PTPRD: variants seen among roughly 807,000 people sequenced by gnomAD.
PTPRD encodes the protein protein tyrosine phosphatase receptor type D, also known as receptor-type tyrosine-protein phosphatase delta.
PTPRD carries 34 observed loss-of-function variants against 214.5 expected under a neutral mutation model. The ratio of observed to expected loss-of-function variants is 0.16; its 90% confidence interval spans 0.12 to 0.21. The LOEUF (loss-of-function observed/expected upper bound fraction) is 0.21, where lower values mean the gene tolerates loss of function less well. PTPRD is among the 10% of genes least tolerant of loss of function. PTPRD has a pLI of 1.00. For synonymous variants in PTPRD, 1,128 were observed against 845.7 expected (o/e 1.33, Z -5.79); for missense variants, 2,545 against 2,398.7 (o/e 1.06, Z -1.27).
chr9:9,287,699 G>T (rs1267680120), intron 9 of PTPRD, among the ~76,000 whole-genome samples: 2 of 151,834 alleles, frequency 1.3e-5, no homozygotes, highest in African/African-American at 2.4e-5. Flanking sequence ...ATTATTATTT[G>T]CAGCACTTTT....
At chr9:8,535,473 G>GT (rs2076710361) in intron 14 of PTPRD, among the ~76,000 whole-genome samples, 1 of 151,852 alleles carries the variant, frequency 6.6e-6, no homozygotes. Flanking sequence ...ATTGTCAGAT[G>GT]ATTTGTTCCT....
In PTPRD at chr9:8,411,731, T is replaced by C. The variant is rs546198074; in HGVS notation, c.4087-7071A>G. On this transcript the variant is annotated intron_variant, in intron 35 of 45. Transcript: ENST00000381196. ...TCAGCGATATGTGTTAATCCTAATGTTTTCATTTTTAGCTATTTATCTCCT... is the reference window on the plus strand; with the variant it reads ...TCAGCGATATGTGTTAATCCTAATGCTTTCATTTTTAGCTATTTATCTCCT... Among the ~76,000 whole-genome samples the C allele has an allele frequency of 2.0e-5, 3 of 152,334 alleles. No homozygotes were observed. The South Asian group carries it at 6.2e-4, about 32-fold the overall frequency.
chr9:9,954,664 C>T (rs2154006984), intron 4 of PTPRD, among the ~76,000 whole-genome samples: 1 of 152,030 alleles, frequency 6.6e-6, no homozygotes, highest in Non-Finnish European at 1.5e-5. Context: ...TAACAAACAT[C>T]CTTATACATA....
At chr9:8,870,336 C>T (rs576375329) in intron 11 of PTPRD, among the ~76,000 whole-genome samples, 2 of 151,990 alleles carry the variant, frequency 1.3e-5, no homozygotes, top group South Asian at 4.2e-4. Context: ...GTTGTTTTAA[C>T]CTTGTAATTA....
chr9:8,979,014 T>G (rs1589226567), intron 11 of PTPRD, among the ~76,000 whole-genome samples: 3 of 152,022 alleles, frequency 2.0e-5, no homozygotes, highest in Admixed American at 1.3e-4. Context: ...CTTTAAAGAG[T>G]CTTGTGAAGT....
At chr9:9,428,380 C>T (rs1444498728) in intron 8 of PTPRD, among the ~76,000 whole-genome samples, 1 of 152,104 alleles carries the variant, frequency 6.6e-6, no homozygotes, top group African/African-American at 2.4e-5. Flanking sequence ...AATATATATG[C>T]AGGAGCACCC....
intron 7 of PTPRD, among the ~76,000 whole-genome samples, chr9:9,692,675 G>A (rs2097296190): frequency 6.6e-6 from 1 of 151,358 alleles, no homozygotes; most frequent in Non-Finnish European, 1.5e-5. Context: ...ACTGTCATTG[G>A]TATTGTGATA....
chr9:10,203,769 C>T (rs917887836), intron 3 of PTPRD, among the ~76,000 whole-genome samples: 24 of 152,202 alleles, frequency 1.6e-4, no homozygotes, highest in African/African-American at 5.5e-4. Context: ...GATACACAAC[C>T]ATTCTGTATT....
chr9:8,673,676 T>C (rs2097335862), intron 12 of PTPRD, among the ~76,000 whole-genome samples: 1 of 152,230 alleles, frequency 6.6e-6, no homozygotes, highest in African/African-American at 2.4e-5. Flanking sequence ...TGACCTCGTA[T>C]ATTTATTCTC....
chr9:8,351,900 G>A (rs2075600341), intron 39 of PTPRD, among the ~76,000 whole-genome samples: 1 of 152,040 alleles, frequency 6.6e-6, no homozygotes, highest in African/African-American at 2.4e-5. Context: ...CAGAAACTAA[G>A]CACAAAGTTC....
chr9:8,696,753 A>T (rs553080822), intron 12 of PTPRD, among the ~76,000 whole-genome samples: 2 of 152,354 alleles, frequency 1.3e-5, no homozygotes, highest in Admixed American at 6.5e-5. Context: ...GTAAGCCAAG[A>T]TAAGGAGTTT....
intron 6 of PTPRD, among the ~76,000 whole-genome samples, chr9:9,748,439 G>T (rs1254294858): frequency 6.6e-6 from 1 of 152,080 alleles, no homozygotes; most frequent in Non-Finnish European, 1.5e-5. Context: ...CAGAAACCAA[G>T]ATCAAAATAA....
intron 7 of PTPRD, among the ~76,000 whole-genome samples, chr9:9,582,455 G>T (rs1350019882): frequency 2.0e-5 from 3 of 152,040 alleles, no homozygotes; most frequent in Non-Finnish European, 4.4e-5. Flanking sequence ...GAGGAATCCA[G>T]ATCAAATGAC....
intron 2 of PTPRD, among the ~76,000 whole-genome samples, chr9:10,391,546 T>G (rs555275561): frequency 3.9e-4 from 59 of 151,922 alleles, no homozygotes; most frequent in African/African-American, 1.2e-3. Context: ...CAGATATGAA[T>G]GCCTGTATAG....
intron 10 of PTPRD, among the ~76,000 whole-genome samples, chr9:9,158,601 AAAATAAAT>A (rs951367963): frequency 1.3e-5 from 2 of 152,034 alleles, no homozygotes; most frequent in African/African-American, 4.8e-5. Flanking sequence ...CTCCATCTCG[AAAATAAAT>A]AAATAAATAA....
intron 7 of PTPRD, among the ~76,000 whole-genome samples, chr9:9,597,229 TC>T (rs1164736419): frequency 6.0e-5 from 9 of 150,826 alleles, no homozygotes; most frequent in Admixed American, 1.3e-4. Flanking sequence ...AGATATAACC[TC>T]CCCCACCGCA....
intron 2 of PTPRD, among the ~76,000 whole-genome samples, chr9:10,438,849 G>A (rs2098739952): frequency 6.6e-6 from 1 of 151,722 alleles, no homozygotes; most frequent in Admixed American, 6.6e-5. Flanking sequence ...TTGATGGGTA[G>A]CTGTCTGCTA....
chr9:10,166,924 GC>G (rs753562273), intron 3 of PTPRD, among the ~76,000 whole-genome samples: 4 of 151,934 alleles, frequency 2.6e-5, no homozygotes, highest in Non-Finnish European at 4.4e-5. Flanking sequence ...ATACCCTATA[GC>G]ATGTGCAAAT....
At chr9:9,777,242 T>C (rs545391369) in intron 5 of PTPRD, among the ~76,000 whole-genome samples, 2 of 152,246 alleles carry the variant, frequency 1.3e-5, no homozygotes, top group South Asian at 2.1e-4. Flanking sequence ...ATACTTATTT[T>C]GGAGGAGAAA....
Sources: gnomAD v4.1 joint callset for allele counts (sites outside exome capture counted in the v4.1 genomes callset) on GRCh38, gnomAD v4.1.1 for gene constraint, MANE v1.5 for transcripts, NCBI Gene and HGNC (gene_info 2026-07-23, HGNC 2026-07-21) for gene names.